PTPRN2: variants seen among roughly 807,000 people sequenced by gnomAD.
The protein encoded by PTPRN2 is protein tyrosine phosphatase receptor type N2, also known as receptor-type tyrosine-protein phosphatase N2.
In PTPRN2, 74 loss-of-function variants were observed where a neutral mutation model predicts 118.8. The ratio of observed to expected loss-of-function variants is 0.62; its 90% CI spans 0.52 to 0.76. The LOEUF is 0.76. PTPRN2 is among the 30% of genes least tolerant of loss of function. PTPRN2 has a pLI of 0.00. For synonymous variants in PTPRN2, 641 were observed against 608.0 expected (o/e 1.05, Z -0.80); for missense variants, 1,481 against 1,394.4 (o/e 1.06, Z -0.99).
rs143618769 is a variant in PTPRN2 at position 157,623,477 on chromosome 7, G to A, written c.2197-1968C>T. ...GGCTTCCTTCAGTAAAACATGATGG[G>A]TTCTAAAATGATGAACCCTAGCAGG... is the stretch of plus-strand genomic sequence containing the variant. On this transcript the variant is annotated intron_variant, in intron 14 of 22. Coordinates refer to ENST00000389418, the MANE Select transcript of PTPRN2 (RefSeq NM_002847.5). 3.3e-5 allele frequency among the ~76,000 whole-genome samples: 5 copies of A among 152,268 alleles called. 1 individual carries two copies. Among genetic ancestry groups the A allele is most frequent in the East Asian group, 3.9e-4 (2 of 5,186 alleles).
At chr7:158,265,897 C>T in intron 3 of PTPRN2, among the ~76,000 whole-genome samples, 1 of 152,236 alleles carries the variant, frequency 6.6e-6, no homozygotes, top group Admixed American at 6.5e-5. Context: ...TGCGTGGGGG[C>T]TGCGTCCACC....
chr7:158,219,237 A>G (rs891222196), intron 3 of PTPRN2, among the ~76,000 whole-genome samples: 3 of 152,166 alleles, frequency 2.0e-5, no homozygotes, highest in African/African-American at 7.2e-5. Flanking sequence ...CACATGTAAT[A>G]TAAATACAAA....
At chr7:158,048,730 A>G (rs1183675973) in intron 11 of PTPRN2, among the ~76,000 whole-genome samples, 2 of 152,066 alleles carry the variant, frequency 1.3e-5, no homozygotes, top group Admixed American at 1.3e-4. Context: ...TATCACCACC[A>G]TCACCATCAT....
intron 11 of PTPRN2, chr7:158,027,623 A>G (rs1200758617): frequency 1.3e-5 from 2 of 152,110 alleles, no homozygotes; most frequent in East Asian, 3.9e-4. Flanking sequence ...TCACTCCCAT[A>G]TTTTCACAGT....
chr7:157,668,756 A>C (rs1031925833), intron 13 of PTPRN2, among the ~76,000 whole-genome samples: 8 of 152,356 alleles, frequency 5.3e-5, no homozygotes, highest in African/African-American at 1.9e-4. Flanking sequence ...TTTGACACTG[A>C]GGCTGCAGGG....
chr7:158,336,661 C>A (rs1183752795), intron 2 of PTPRN2, among the ~76,000 whole-genome samples: 1 of 145,992 alleles, frequency 6.8e-6, no homozygotes, highest in Admixed American at 7.0e-5. Flanking sequence ...GTCACTCACA[C>A]CCACACTCTC....
At chr7:157,908,669 CAG>C (rs750010472) in intron 11 of PTPRN2, among the ~76,000 whole-genome samples, 1 of 152,180 alleles carries the variant, frequency 6.6e-6, no homozygotes, top group Non-Finnish European at 1.5e-5. Context: ...GCAGGGATCT[CAG>C]AGCCAGAATT....
intron 2 of PTPRN2, among the ~76,000 whole-genome samples, chr7:158,329,405 T>C (rs902430224): frequency 1.3e-5 from 2 of 152,180 alleles, no homozygotes; most frequent in Non-Finnish European, 2.9e-5. Flanking sequence ...TGCAACAGGC[T>C]GTGTGCCGAA....
At chr7:158,198,002 A>G (rs1826343819) in intron 4 of PTPRN2, among the ~76,000 whole-genome samples, 1 of 152,180 alleles carries the variant, frequency 6.6e-6, no homozygotes, top group Admixed American at 6.5e-5. Context: ...AGTTCTTTGC[A>G]TCTCAAATCA....
rs1639796 is a variant in PTPRN2 at position 157,563,009 on chromosome 7, C to G, written c.2902+5893G>C. Among the ~76,000 whole-genome samples the G allele has an allele frequency of 1.6e-4, 9 of 54,832 alleles. 4 individuals carry two copies. Among genetic ancestry groups the G allele is most frequent in the Admixed American group, 3.6e-4 (2 of 5,600 alleles). The allele number at this position is 54,832 out of a possible 152,430, so 36.0% of individuals were successfully genotyped here. On this transcript the variant is annotated intron_variant, in intron 21 of 22. Transcript: ENST00000389418. The stretch of plus-strand genomic sequence containing the variant: ...ACACAGCAGATCAGGACCACATGCT[C>G]CCACGTCACCACACACAGCAGATCA...
At chr7:157,625,372 C>T (rs1803502392) in intron 14 of PTPRN2, among the ~76,000 whole-genome samples, 1 of 152,128 alleles carries the variant, frequency 6.6e-6, no homozygotes, top group Non-Finnish European at 1.5e-5. Context: ...AACTGTGGTA[C>T]ATACATATGA....
intron 10 of PTPRN2, among the ~76,000 whole-genome samples, chr7:158,090,217 A>ATCCTT (rs1563421384): frequency 1.3e-5 from 2 of 151,520 alleles, no homozygotes; most frequent in South Asian, 2.1e-4. Context: ...CTTCACACAC[A>ATCCTT]CCTGCTGCCT....
intron 21 of PTPRN2, among the ~76,000 whole-genome samples, chr7:157,549,883 G>A (rs1404702570): frequency 6.6e-6 from 1 of 152,220 alleles, no homozygotes; most frequent in African/African-American, 2.4e-5. Context: ...CCACATGGGT[G>A]CCAGGCACTT....
chr7:158,426,009 G>C (rs71547541), intron 2 of PTPRN2, among the ~76,000 whole-genome samples: 184 of 47,098 alleles, frequency 3.9e-3, no homozygotes, highest in Non-Finnish European at 5.4e-3. Context: ...CGGGAAAGAC[G>C]CAGAGTCCGA....
At chr7:158,021,354 T>G (rs1302962618) in intron 11 of PTPRN2, among the ~76,000 whole-genome samples, 1 of 152,122 alleles carries the variant, frequency 6.6e-6, no homozygotes. Context: ...ACATGGAAGA[T>G]AATGACCAAT....
chr7:158,341,592 C>CTG (rs1806813133), intron 2 of PTPRN2, among the ~76,000 whole-genome samples: 1 of 101,650 alleles, frequency 9.8e-6, no homozygotes, highest in Non-Finnish European at 2.1e-5. Flanking sequence ...GAGGTGACAC[C>CTG]CGCAGACATC....
At chr7:158,297,922 G>A (rs1800612223) in intron 3 of PTPRN2, among the ~76,000 whole-genome samples, 1 of 152,212 alleles carries the variant, frequency 6.6e-6, no homozygotes, top group Non-Finnish European at 1.5e-5. Context: ...ATGTTTTAAT[G>A]AATATAGACT....
chr7:158,305,821 A>T (rs1162266142), intron 3 of PTPRN2, among the ~76,000 whole-genome samples: 1 of 152,078 alleles, frequency 6.6e-6, no homozygotes, highest in East Asian at 1.9e-4. Context: ...AGAAAGAAAA[A>T]GAAAGAAATG....
intron 14 of PTPRN2, among the ~76,000 whole-genome samples, chr7:157,654,806 C>T (rs1805961886): frequency 2.6e-5 from 4 of 152,218 alleles, no homozygotes; most frequent in Admixed American, 2.6e-4. Flanking sequence ...ACTCAAGCAC[C>T]TTGAAATGTG....
Sources: gnomAD v4.1 joint callset for allele counts (sites outside exome capture counted in the v4.1 genomes callset) on GRCh38, gnomAD v4.1.1 for gene constraint, MANE v1.5 for transcripts, NCBI Gene and HGNC (gene_info 2026-07-23, HGNC 2026-07-21) for gene names.